PALM2AKAP2: variants seen among roughly 807,000 people sequenced by gnomAD.
The protein encoded by PALM2AKAP2 is PALM2-AKAP2 fusion protein.
PALM2AKAP2 carries 37 observed loss-of-function variants against 71.5 expected under a neutral mutation model. The ratio of observed to expected loss-of-function variants is 0.52; its 90% CI spans 0.40 to 0.68. PALM2AKAP2 has a LOEUF of 0.68. Ranked by LOEUF, PALM2AKAP2 falls within the 30% of genes least tolerant of loss-of-function variation. PALM2AKAP2 has a pLI of 0.00. For synonymous variants in PALM2AKAP2, 468 were observed against 478.8 expected, an observed-to-expected ratio of 0.98 and a Z score of 0.29; for missense variants, 1,224 against 1,191.8, an observed-to-expected ratio of 1.03 and a Z score of -0.40.
chr9:110,051,193 C>T (rs973937581), intron 1 of PALM2AKAP2, among the ~76,000 whole-genome samples: 2 of 152,194 alleles, frequency 1.3e-5, no homozygotes, highest in African/African-American at 4.8e-5. Context: ...ATAGTTCTGG[C>T]ATGACAGTTG....
intron 6 of PALM2AKAP2, among the ~76,000 whole-genome samples, chr9:109,954,348 T>C (rs956044718): frequency 3.3e-5 from 5 of 152,136 alleles, no homozygotes; most frequent in Non-Finnish European, 7.4e-5. Context: ...CAGCTATTAA[T>C]AGACCACATC....
chr9:109,689,180 A>G (rs1456755608), intron 1 of PALM2AKAP2, among the ~76,000 whole-genome samples: 1 of 149,090 alleles, frequency 6.7e-6, no homozygotes, highest in East Asian at 2.0e-4. Context: ...AAAATGGAAC[A>G]ATACCTTCTT....
At chr9:110,116,488 C>CA (rs959228823) in intron 1 of PALM2AKAP2, among the ~76,000 whole-genome samples, 26 of 150,776 alleles carry the variant, frequency 1.7e-4, no homozygotes, top group Admixed American at 1.1e-3. Context: ...TTAAATGGAA[C>CA]AAAAAAAAAT....
intron 1 of PALM2AKAP2, among the ~76,000 whole-genome samples, chr9:109,730,716 A>C (rs1828545168): frequency 6.6e-6 from 1 of 152,196 alleles, no homozygotes; most frequent in Non-Finnish European, 1.5e-5. Context: ...GAATAAGAAG[A>C]GTCCTTAAGG....
At chr9:109,795,674 G>A (rs1329001849) in intron 1 of PALM2AKAP2, among the ~76,000 whole-genome samples, 1 of 152,186 alleles carries the variant, frequency 6.6e-6, no homozygotes, top group Non-Finnish European at 1.5e-5. Context: ...AGAGATGAGG[G>A]AGTTGGCATA....
chr9:109,953,041 A>C (rs1564230954), intron 6 of PALM2AKAP2, among the ~76,000 whole-genome samples: 1 of 152,236 alleles, frequency 6.6e-6, no homozygotes, highest in African/African-American at 2.4e-5. Context: ...TTTCAGAACT[A>C]GTATAGAAAG....
chr9:109,928,971 C>T (rs1279053086), intron 5 of PALM2AKAP2, among the ~76,000 whole-genome samples: 1 of 152,086 alleles, frequency 6.6e-6, no homozygotes, highest in East Asian at 1.9e-4. Context: ...CCAGCCCATT[C>T]CCTTATCTCT....
intron 6 of PALM2AKAP2, among the ~76,000 whole-genome samples, chr9:109,941,874 G>A (rs1831379542): frequency 6.6e-6 from 1 of 152,184 alleles, no homozygotes; most frequent in Non-Finnish European, 1.5e-5. Context: ...GGAAGTGAAT[G>A]TCTTACATTG....
In PALM2AKAP2 at chr9:110,145,028, A is replaced by T. The variant is rs112693461; in HGVS notation, c.2569+6489A>T. Among the ~76,000 whole-genome samples the T allele has an allele frequency of 2.4e-4, 37 of 152,160 alleles. 1 individual carries two copies. The highest frequency in any genetic ancestry group is 8.7e-4 in the African/African-American group (36 of 41,520). ...CCTGCTCTATGAGGTATACAGTAAT[A>T]GCTTCTCTCTCCAACCTGTAGCTCA... On this transcript the variant is annotated intron_variant, in intron 2 of 3. Transcript: ENST00000374525.
intron 1 of PALM2AKAP2, among the ~76,000 whole-genome samples, chr9:109,719,935 A>T (rs1828380766): frequency 6.6e-6 from 1 of 152,166 alleles, no homozygotes; most frequent in South Asian, 2.1e-4. Flanking sequence ...ATGGAGAGTG[A>T]CATGTAACAC....
chr9:109,828,743 T>C (rs576007106), intron 1 of PALM2AKAP2, among the ~76,000 whole-genome samples: 99 of 152,380 alleles, frequency 6.5e-4, no homozygotes, highest in African/African-American at 2.2e-3. Context: ...AGAAAGTGAA[T>C]GTTGTGACAC....
intron 2 of PALM2AKAP2, among the ~76,000 whole-genome samples, chr9:109,867,992 C>G (rs1003435690): frequency 2.9e-4 from 44 of 152,092 alleles, no homozygotes; most frequent in African/African-American, 1.0e-3. Flanking sequence ...ATTAGTATTT[C>G]CTTTCTTGAT....
intron 6 of PALM2AKAP2, among the ~76,000 whole-genome samples, chr9:110,004,372 G>C (rs10980141): frequency 0.19 from 28,419 of 152,104 alleles, 2,794 homozygotes; most frequent in Admixed American, 0.23. Context: ...CTCTCTCCTG[G>C]CTTGTAGAGT....
intron 1 of PALM2AKAP2, among the ~76,000 whole-genome samples, chr9:109,749,187 C>T (rs147120566): frequency 2.0e-5 from 3 of 152,214 alleles, no homozygotes; most frequent in Admixed American, 6.5e-5. Flanking sequence ...TTGGTCTGCC[C>T]GTTAGTCCTT....
chr9:110,124,634 T>G (rs1215553782), intron 1 of PALM2AKAP2, among the ~76,000 whole-genome samples: 1 of 152,158 alleles, frequency 6.6e-6, no homozygotes, highest in Admixed American at 6.5e-5. Flanking sequence ...CTGGGGGCCC[T>G]ATTCTGAGGT....
chr9:110,076,993 G>T (rs369672372), intron 1 of PALM2AKAP2, among the ~76,000 whole-genome samples: 89 of 152,234 alleles, frequency 5.8e-4, no homozygotes, highest in Non-Finnish European at 1.2e-3. Context: ...GCCCAGGACC[G>T]GCGTTTGTCT....
chr9:110,097,261 G>A lies in PALM2AKAP2; in HGVS notation c.157-38866G>A, dbSNP rs1357860689. 4.0e-5 allele frequency among the ~76,000 whole-genome samples: 6 copies of A among 149,724 alleles called. No homozygotes were observed. In the South Asian group the frequency reaches 1.3e-3, roughly 32 times the overall value. On this transcript the variant is annotated intron_variant, in intron 1 of 3. Coordinates refer to ENST00000374525, the Ensembl canonical transcript of PALM2AKAP2. The stretch of plus-strand genomic sequence containing the variant: ...ACAGCACATGTTTCAGAGAGCACAG[G>A]GTTGGGGGTAAGGTCACAGATCAAC...
At chr9:109,807,261 T>G (rs559717658) in intron 1 of PALM2AKAP2, among the ~76,000 whole-genome samples, 1 of 152,264 alleles carries the variant, frequency 6.6e-6, no homozygotes, top group African/African-American at 2.4e-5. Flanking sequence ...GAAGGGAAAA[T>G]AGGAATTCAA....
chr9:109,958,928 A>G (rs1831799147), intron 6 of PALM2AKAP2, among the ~76,000 whole-genome samples: 1 of 152,124 alleles, frequency 6.6e-6, no homozygotes, highest in African/African-American at 2.4e-5. Flanking sequence ...GCCTGACCAA[A>G]ATTTGTAGTT....
Sources: gnomAD v4.1 joint callset for allele counts (sites outside exome capture counted in the v4.1 genomes callset) on GRCh38, gnomAD v4.1.1 for gene constraint, MANE v1.5 for transcripts, NCBI Gene and HGNC (gene_info 2026-07-23, HGNC 2026-07-21) for gene names.